Variants in SIM2 observed in about 807,000 individuals in gnomAD.
The protein encoded by SIM2 is single-minded homolog 2.
SIM2 carries 28 observed loss-of-function variants against 64.8 expected under a neutral mutation model. That is an observed-to-expected ratio of 0.43 (90% CI 0.32 to 0.59). SIM2 has a LOEUF of 0.59. Among genes scored for constraint, SIM2 ranks in the 20% least tolerant of loss-of-function variants. The pLI, the probability that SIM2 is intolerant of heterozygous loss-of-function variation, is 0.07. For synonymous variants in SIM2, 408 were observed against 391.1 expected, an observed-to-expected ratio of 1.04 and a Z score of -0.51; for missense variants, 847 against 871.4, an observed-to-expected ratio of 0.97 and a Z score of 0.35.
chr21:36,743,704 A>G (rs949788690), intron 9 of SIM2, 149 bp downstream of exon 9: 3 of 735,310 alleles, frequency 4.1e-6, no homozygotes, highest in African/African-American at 1.8e-5. Flanking sequence ...TCTTGCCTAC[A>G]CAGTAGTGAC....
intron 2 of SIM2, 113 bp downstream of exon 2, chr21:36,709,363 G>A (rs1309714226): frequency 1.1e-6 from 1 of 885,480 alleles, no homozygotes; most frequent in South Asian, 1.4e-5. Context: ...TCCAGAGGCT[G>A]CCGGGGGCTG....
At chr21:36,720,553 T>A (rs1400594935) in intron 4 of SIM2, 1 of 152,296 alleles carries the variant, frequency 6.6e-6, no homozygotes, top group East Asian at 1.9e-4. Flanking sequence ...ATCTTCTTAT[T>A]TATGTATTAA....
At chr21:36,733,499 GTCT>G (rs1261921249) in intron 7 of SIM2, among the ~76,000 whole-genome samples, 3 of 151,816 alleles carry the variant, frequency 2.0e-5, no homozygotes, top group Admixed American at 2.0e-4. Context: ...CTAGACAAAA[GTCT>G]TCTTTTTAAA....
At chr21:36,720,098 T>G (rs16994405) in intron 4 of SIM2, 169 bp downstream of exon 4, 1 of 596,190 alleles carries the variant, frequency 1.7e-6, no homozygotes, top group Non-Finnish European at 3.0e-6. Context: ...GGGATTTGCA[T>G]TGATACCTGT....
In SIM2 at chr21:36,747,304, C is replaced by T. The variant is rs1406249911; in HGVS notation, c.1577-361C>T. Among the ~76,000 whole-genome samples, 2 of 150,290 alleles carry T rather than the reference C, an allele frequency of 1.3e-5. No homozygotes were observed. The highest frequency in any genetic ancestry group is 2.1e-4 in the South Asian group (1 of 4,766). ...CTTGAACATGGAAATGTGGCCAGTG[C>T]AGTGAGGCAGGTGTGACCTGCGCTC... On this transcript the variant is annotated intron_variant, in intron 10 of 10. Transcript: ENST00000290399. The surrounding 1 kb of genome is among the most constrained non-coding windows in gnomAD (Gnocchi z 4.5).
chr21:36,748,916 G>A lies in SIM2; in HGVS notation c.*824G>A, dbSNP rs1447158912. ...ATTATTACGTGGCAAAATCCCTCTG[G>A]CCCACACAGATCTGTAATTCACTAG... On this transcript the variant is annotated 3_prime_UTR_variant, in exon 11 of 11. Transcript: ENST00000290399. 1 of 152,536 alleles carries A rather than the reference G, an allele frequency of 6.6e-6. No homozygotes were observed. The highest frequency in any genetic ancestry group is 1.5e-5 in the Non-Finnish European group (1 of 68,038). The allele number at this position is 152,536 out of a possible 1,614,324, so 9.4% of individuals were successfully genotyped here. A position where few individuals can be genotyped will look rare whatever the true frequency, so the allele number is the denominator to read the frequency against.
chr21:36,720,356 T>C, intron 4 of SIM2: 1 of 164,732 alleles, frequency 6.1e-6, no homozygotes, highest in South Asian at 1.8e-4. Context: ...CCAGTTGAAA[T>C]TTGGCATTTC....
intron 1 of SIM2, among the ~76,000 whole-genome samples, chr21:36,706,600 A>C (rs1329357892): frequency 3.3e-5 from 5 of 152,252 alleles, no homozygotes; most frequent in Admixed American, 6.5e-5. Flanking sequence ...TTACAGTATC[A>C]AGACAATTTT....
chr21:36,744,291 T>C (rs1283793858), intron 9 of SIM2, among the ~76,000 whole-genome samples: 10 of 112,284 alleles, frequency 8.9e-5, no homozygotes, highest in Non-Finnish European at 1.5e-4. Flanking sequence ...CAGTTGAACG[T>C]CACGGCCTCC....
intron 5 of SIM2, among the ~76,000 whole-genome samples, chr21:36,723,823 C>T (rs1250785291): frequency 1.3e-5 from 2 of 152,236 alleles, no homozygotes; most frequent in Non-Finnish European, 2.9e-5. Context: ...TAGGTCATGT[C>T]TCAGGGCACG....
intron 1 of SIM2, among the ~76,000 whole-genome samples, chr21:36,705,945 C>T (rs1161139315): frequency 2.6e-5 from 4 of 152,230 alleles, no homozygotes; most frequent in Admixed American, 2.0e-4. Flanking sequence ...CAGCCCCTGC[C>T]ACCACCCAGA....
chr21:36,705,904 A>C (rs1042668512), intron 1 of SIM2, among the ~76,000 whole-genome samples: 2 of 152,236 alleles, frequency 1.3e-5, no homozygotes, highest in Non-Finnish European at 2.9e-5. Flanking sequence ...TTCCTACCAC[A>C]GTCCAGGCCC....
chr21:36,748,139 T>C lies in SIM2; in HGVS notation c.*47T>C. On this transcript the variant is annotated 3_prime_UTR_variant, in exon 11 of 11. Transcript: ENST00000290399. The stretch of plus-strand genomic sequence containing the variant: ...GAGCCTGGACCCGGCCTCCCGGGGC[T>C]GCGGCGCCACCGAGCCCGGCAAATG... 1 of 1,083,718 alleles carries C rather than the reference T, an allele frequency of 9.2e-7. No homozygotes were observed. The highest frequency in any genetic ancestry group is 1.1e-6 in the Non-Finnish European group (1 of 874,686). 67.1% of individuals were successfully genotyped at this position (1,083,718 alleles called of 1,614,324 possible).
At chr21:36,729,548 G>GA (rs2088938112) in intron 6 of SIM2, among the ~76,000 whole-genome samples, 1 of 152,140 alleles carries the variant, frequency 6.6e-6, no homozygotes, top group Non-Finnish European at 1.5e-5. Context: ...GTTAAAGAAT[G>GA]AAAGTGAGGT....
chr21:36,713,982 G>GT (rs2088711016), intron 3 of SIM2, among the ~76,000 whole-genome samples: 1 of 152,230 alleles, frequency 6.6e-6, no homozygotes, highest in Admixed American at 6.5e-5. Flanking sequence ...TGGGATTAGT[G>GT]TACTTGTAGA....
At chr21:36,740,054 A>C (rs1451175505) in intron 7 of SIM2, among the ~76,000 whole-genome samples, 2 of 146,846 alleles carry the variant, frequency 1.4e-5, no homozygotes, top group Admixed American at 6.7e-5. Flanking sequence ...AAAGAAAGAA[A>C]GAAAGAGAAA....
intron 4 of SIM2, among the ~76,000 whole-genome samples, chr21:36,722,624 G>A (rs774300444): frequency 4.6e-5 from 7 of 151,234 alleles, no homozygotes; most frequent in Admixed American, 6.6e-5. Flanking sequence ...ACAGAGACGG[G>A]GTGGTCCTTC....
Position 36,747,568 on chromosome 21 carries a change from G to A in SIM2, c.1577-97G>A, listed in dbSNP as rs1289004226. ...CAGCGACCCCGCGGGTGCAGCGCGT[G>A]GGCGGCCGAGGGGTGGTGGCTGCGC... On this transcript the variant is annotated intron_variant, in intron 10 of 10. Transcript: ENST00000290399. The surrounding 1 kb of genome is among the most constrained non-coding windows in gnomAD (Gnocchi z 4.5). 1.2e-6 allele frequency: 1 copy of A among 861,394 alleles called. No homozygotes were observed. Among genetic ancestry groups the A allele is most frequent in the Admixed American group, 5.1e-5 (1 of 19,660 alleles). 53.4% of individuals were successfully genotyped at this position (861,394 alleles called of 1,614,324 possible).
intron 6 of SIM2, among the ~76,000 whole-genome samples, chr21:36,730,768 G>A (rs1250128447): frequency 6.6e-6 from 1 of 152,162 alleles, no homozygotes; most frequent in Non-Finnish European, 1.5e-5. Context: ...TCCCCGATAA[G>A]CTGAACTTGG....
Sources: allele counts gnomAD v4.1 joint callset (sites outside exome capture counted in the v4.1 genomes callset), GRCh38; gene constraint gnomAD v4.1.1; non-coding constraint Gnocchi (gnomAD v3.1); transcripts MANE v1.5; gene names NCBI Gene and HGNC (gene_info 2026-07-23, HGNC 2026-07-21).